Variants in PKP4 observed in about 807,000 individuals in gnomAD.
PKP4 encodes the protein plakophilin-4.
PKP4 carries 90 observed loss-of-function variants against 145.1 expected under a neutral mutation model. That is an observed-to-expected ratio of 0.62 (90% CI 0.52 to 0.74). The LOEUF (loss-of-function observed/expected upper bound fraction) is 0.74. PKP4 is among the 30% of genes least tolerant of loss of function. The pLI, the probability that PKP4 is intolerant of heterozygous loss-of-function variation, is 0.00. For synonymous variants in PKP4, 563 were observed against 577.2 expected (o/e 0.98, Z 0.35); for missense variants, 1,340 against 1,482.7 (o/e 0.90, Z 1.58).
intron 2 of PKP4, among the ~76,000 whole-genome samples, chr2:158,556,819 T>G (rs1273886369): frequency 1.3e-5 from 2 of 152,220 alleles, no homozygotes; most frequent in African/African-American, 4.8e-5. Context: ...GAGTCAGTTA[T>G]TAAATTGAAG....
chr2:158,474,155 G>A (rs748442645), intron 1 of PKP4, among the ~76,000 whole-genome samples: 62 of 152,126 alleles, frequency 4.1e-4, no homozygotes, highest in Non-Finnish European at 7.2e-4. Context: ...GCTACTCGAC[G>A]ACAGATATTC....
intron 11 of PKP4, among the ~76,000 whole-genome samples, chr2:158,650,945 C>T (rs994117158): frequency 2.0e-5 from 3 of 152,188 alleles, no homozygotes; most frequent in African/African-American, 7.2e-5. Context: ...AGACCAGGAG[C>T]CTCACTGCAT....
intron 2 of PKP4, among the ~76,000 whole-genome samples, chr2:158,563,537 A>G (rs2046715715): frequency 6.6e-6 from 1 of 152,106 alleles, no homozygotes; most frequent in African/African-American, 2.4e-5. Flanking sequence ...AATCCTTTCT[A>G]GCAATTGCAT....
chr2:158,677,309 C>T (rs1395769359), intron 20 of PKP4: 1 of 230,626 alleles, frequency 4.3e-6, no homozygotes, highest in African/African-American at 2.2e-5. Context: ...ATTTCATTTA[C>T]ATTTTCATGG....
chr2:158,491,557 C>G (rs1327565451), intron 1 of PKP4, among the ~76,000 whole-genome samples: 1 of 151,916 alleles, frequency 6.6e-6, no homozygotes, highest in Non-Finnish European at 1.5e-5. Flanking sequence ...GGGTTCTAAT[C>G]TTATGTTGAT....
rs1269146880 is a variant in PKP4 at position 158,681,101 on chromosome 2, A to G, written c.*424A>G. 6.4e-6 allele frequency: 1 copy of G among 157,130 alleles called. No homozygotes were observed. Among genetic ancestry groups the G allele is most frequent in the African/African-American group, 2.4e-5 (1 of 41,530 alleles). The allele number at this position is 157,130 out of a possible 1,614,324, so 9.7% of individuals were successfully genotyped here. Reference sequence around the variant, plus strand: ...TTACTAAATGTCAAGATTGTATGCTATTATGTCTTGTAAATTTCTTTTGTT... The same window carrying G: ...TTACTAAATGTCAAGATTGTATGCTGTTATGTCTTGTAAATTTCTTTTGTT... On this transcript the variant is annotated 3_prime_UTR_variant, in exon 22 of 22. Transcript: ENST00000389759.
At position 158,634,221 on chromosome 2, in the gene PKP4, G is replaced by A. The variant is rs372450904; in HGVS notation, c.1494G>A (p.Gln498=). ...RVQECNYNRL[Q]HAVPADDGTT... ...AAGAGTGCAATTATAACAGGCTTCA[G>A]CATGCAGTGCCGGCTGATGATGGCA... Residue 498 remains glutamine, a synonymous_variant, in exon 9 of 22, where the codon CAG becomes CAA. Coordinates refer to ENST00000389759, the MANE Select transcript of PKP4 (RefSeq NM_003628.6). The A allele has an allele frequency of 1.5e-5, 24 of 1,614,008 alleles. No individual in the cohort carries two copies. Among genetic ancestry groups the A allele is most frequent in the African/African-American group, 2.7e-5 (2 of 74,900 alleles).
At chr2:158,560,474 G>T (rs561392299) in intron 2 of PKP4, among the ~76,000 whole-genome samples, 2 of 152,228 alleles carry the variant, frequency 1.3e-5, no homozygotes, top group East Asian at 3.9e-4. Flanking sequence ...AACAGAATAT[G>T]ATCAGAAGAT....
chr2:158,657,050 A>C (rs963780363), intron 11 of PKP4, among the ~76,000 whole-genome samples: 2 of 151,954 alleles, frequency 1.3e-5, no homozygotes, highest in African/African-American at 2.4e-5. Context: ...AAGGCCACAA[A>C]CGTTTTTGTG....
At chr2:158,644,060 C>T (rs2054594046) in intron 11 of PKP4, among the ~76,000 whole-genome samples, 2 of 152,146 alleles carry the variant, frequency 1.3e-5, no homozygotes, top group Non-Finnish European at 2.9e-5. Flanking sequence ...GCCACTGCAC[C>T]CCGCCCATTT....
At chr2:158,491,294 A>G (rs2105464742) in intron 1 of PKP4, among the ~76,000 whole-genome samples, 1 of 152,300 alleles carries the variant, frequency 6.6e-6, no homozygotes, top group Non-Finnish European at 1.5e-5. Context: ...GCTGCATCAT[A>G]GACTATCAGT....
chr2:158,461,407 A>G (rs1243660818), intron 1 of PKP4, among the ~76,000 whole-genome samples: 3 of 152,170 alleles, frequency 2.0e-5, no homozygotes, highest in Admixed American at 6.6e-5. Context: ...TCTTGATAAC[A>G]TTATAGTTTA....
chr2:158,602,864 C>T (rs1439948505), intron 3 of PKP4, among the ~76,000 whole-genome samples: 1 of 151,922 alleles, frequency 6.6e-6, no homozygotes, highest in Non-Finnish European at 1.5e-5. Flanking sequence ...TTATAATTTG[C>T]CTTAATTTCC....
chr2:158,533,326 C>A lies in PKP4; in HGVS notation c.132+10C>A, dbSNP rs775584138. 1 of 1,613,744 alleles carries A rather than the reference C, an allele frequency of 6.2e-7. No individual in the cohort carries two copies. Among genetic ancestry groups the A allele is most frequent in the East Asian group, 2.2e-5 (1 of 44,874 alleles). On this transcript the variant is annotated intron_variant, in intron 2 of 21. Coordinates refer to ENST00000389759, the MANE Select transcript of PKP4 (RefSeq NM_003628.6). ...ATCCGTGAAGGAGCAGGTACATCCT[C>A]GTATTGAAAGTTGCAGTGAATTATT...
chr2:158,478,951 A>G (rs2105428389), intron 1 of PKP4, among the ~76,000 whole-genome samples: 1 of 152,266 alleles, frequency 6.6e-6, no homozygotes, highest in East Asian at 1.9e-4. Flanking sequence ...AATCTTTGTT[A>G]CAGTTATGAT....
rs565451069 is a variant in PKP4 at position 158,554,699 on chromosome 2, G to A, written c.132+21383G>A. Among the ~76,000 whole-genome samples the A allele has an allele frequency of 6.0e-4, 92 of 152,270 alleles. 1 individual carries two copies. The highest frequency in any genetic ancestry group is 3.7e-3 in the South Asian group (18 of 4,820). The stretch of plus-strand genomic sequence containing the variant: ...GTCAGCCTCCCAAAGTGCTGGGATT[G>A]CAGGCGTGAGCCACTGCGCCCTGCC... On this transcript the variant is annotated intron_variant, in intron 2 of 21. Transcript: ENST00000389759.
chr2:158,669,830 A>G lies in PKP4; in HGVS notation c.2839A>G (p.Ser947Gly), dbSNP rs769607843. ...CTGCTGTGCTCTGCACGAGGTCACC[A>G]GCAAAAACATGGAGAACGCAAAAGC... is the stretch of plus-strand genomic sequence containing the variant. Reference protein sequence around the residue: ...AICCALHEVTSKNMENAKALA... With the variant: ...AICCALHEVTGKNMENAKALA... Residue 947 changes from serine to glycine, a missense_variant, in exon 17 of 22, where the codon AGC becomes GGC. Transcript: ENST00000389759. 13 of 1,614,134 alleles carry G rather than the reference A, an allele frequency of 8.1e-6. No individual in the cohort carries two copies. Among genetic ancestry groups the G allele is most frequent in the Non-Finnish European group, 1.0e-5 (12 of 1,179,950 alleles).
At chr2:158,528,943 A>G (rs1385648612) in intron 1 of PKP4, among the ~76,000 whole-genome samples, 1 of 152,200 alleles carries the variant, frequency 6.6e-6, no homozygotes, top group Admixed American at 6.5e-5. Context: ...CCTGAGGAAC[A>G]TTCACATCTG....
intron 11 of PKP4, among the ~76,000 whole-genome samples, chr2:158,648,963 A>C (rs139561380): frequency 3.2e-4 from 49 of 152,344 alleles, no homozygotes; most frequent in Middle Eastern, 3.4e-3. Flanking sequence ...GCGCCACTGC[A>C]CTCCAGCCTG....
Sources: allele counts gnomAD v4.1 joint callset (sites outside exome capture counted in the v4.1 genomes callset), GRCh38; gene constraint gnomAD v4.1.1; transcripts MANE v1.5; gene names NCBI Gene and HGNC (gene_info 2026-07-23, HGNC 2026-07-21).